Variants in GLB1L3 observed in about 807,000 individuals in gnomAD.
The protein encoded by GLB1L3 is beta-galactosidase-1-like protein 3.
Under a neutral mutation model 89.5 loss-of-function variants are expected in GLB1L3, and 89 were observed. That is an observed-to-expected ratio of 0.99 (90% CI 0.84 to 1.19). GLB1L3 has a LOEUF of 1.19. Ranked by LOEUF, GLB1L3 falls within the 50% of genes most tolerant of loss-of-function variation. The pLI, the probability that GLB1L3 is intolerant of heterozygous loss-of-function variation, is 0.00. For synonymous variants in GLB1L3, 314 were observed against 312.3 expected (o/e 1.01, Z -0.06); for missense variants, 812 against 813.3 (o/e 1.00, Z 0.02).
rs902650220 is a variant in GLB1L3 at position 134,276,508 on chromosome 11, G to A, written c.-233G>A. ...CCCGGACGCACTGCGGGAACACCTG[G>A]AGCGCCGGCGGAGCTCGGCTGTCCC... On this transcript the variant is annotated 5_prime_UTR_variant, in exon 1 of 20. Coordinates refer to ENST00000431683, the MANE Select transcript of GLB1L3 (RefSeq NM_001080407.3). The A allele has an allele frequency of 1.6e-5, 6 of 381,612 alleles. No individual in the cohort carries two copies. The highest frequency in any genetic ancestry group is 1.0e-4 in the African/African-American group (5 of 47,640). The allele number at this position is 381,612 out of a possible 1,614,324, so 23.6% of individuals were successfully genotyped here.
intron 13 of GLB1L3, 174 bp from the exon 14 acceptor site, chr11:134,312,175 T>G (rs2136222375): frequency 1.5e-6 from 1 of 650,856 alleles, no homozygotes; most frequent in Admixed American, 2.9e-5. Context: ...CTGAGTTTCC[T>G]TCCTGGGCAG....
intron 8 of GLB1L3, chr11:134,292,816 C>T: frequency 2.3e-6 from 1 of 443,860 alleles, no homozygotes. Context: ...TCCAAGGAAG[C>T]CTGGCACACT....
At chr11:134,299,109 G>T (rs1266237823) in intron 9 of GLB1L3, among the ~76,000 whole-genome samples, 3 of 151,968 alleles carry the variant, frequency 2.0e-5, no homozygotes, top group Non-Finnish European at 4.4e-5. Context: ...GCCTATTGAA[G>T]AAATTTTTCG....
chr11:134,294,634 T>C (rs1373677623), intron 9 of GLB1L3, among the ~76,000 whole-genome samples: 1 of 152,228 alleles, frequency 6.6e-6, no homozygotes, highest in African/African-American at 2.4e-5. Context: ...TTAATGCTTA[T>C]CACAGTTAAT....
At chr11:134,295,500 A>G (rs1941583244) in intron 9 of GLB1L3, among the ~76,000 whole-genome samples, 1 of 152,024 alleles carries the variant, frequency 6.6e-6, no homozygotes, top group Non-Finnish European at 1.5e-5. Flanking sequence ...AATTTTGTGT[A>G]TTTATTTTGG....
chr11:134,308,398 TCACCATCAC>T (rs1565413528), intron 10 of GLB1L3, among the ~76,000 whole-genome samples: 9 of 26,458 alleles, frequency 3.4e-4, no homozygotes, highest in African/African-American at 6.5e-4. Context: ...ATCACCACCA[TCACCATCAC>T]CACCACCACC....
chr11:134,301,186 C>T (rs905394782), intron 9 of GLB1L3, among the ~76,000 whole-genome samples: 2 of 152,174 alleles, frequency 1.3e-5, no homozygotes, highest in Non-Finnish European at 2.9e-5. Flanking sequence ...ATCAGGTTTT[C>T]CATGGATTTT....
At position 134,283,790 on chromosome 11, in the gene GLB1L3, T is replaced by C. The variant is rs202008670; in HGVS notation, c.581T>C (p.Ile194Thr). 4.2e-5 allele frequency: 67 copies of C among 1,613,182 alleles called. No homozygotes were observed. Among genetic ancestry groups the C allele is most frequent in the Admixed American group, 2.3e-4 (14 of 59,948 alleles). ...TTGAGGACAACCAACAAGAGCTTCA[T>C]TGAAGCAGTTGAGAAGTATTTTGAC... is the stretch of plus-strand genomic sequence containing the variant. ...LLLRTTNKSF[I>T]EAVEKYFDHL... The change falls in exon 6 of 20, where the codon ATT (isoleucine) becomes ACT (threonine). Residue 194 changes from isoleucine to threonine, a missense_variant. Around this residue, in one of 3 missense-constraint regions of GLB1L3, gnomAD observed 618 missense variants for 604.0 expected, o/e 1.02. Coordinates refer to ENST00000431683, the MANE Select transcript of GLB1L3 (RefSeq NM_001080407.3).
At chr11:134,305,297 G>T in intron 9 of GLB1L3, 1 of 660,126 alleles carries the variant, frequency 1.5e-6, no homozygotes, top group Middle Eastern at 3.3e-4. Flanking sequence ...ATAATAAATG[G>T]TTGGTATTGC....
chr11:134,323,194 T>C (rs1392900488), downstream of GLB1L3, among the ~76,000 whole-genome samples: 6 of 152,170 alleles, frequency 3.9e-5, no homozygotes, highest in Admixed American at 2.0e-4. Context: ...AATCCAAACA[T>C]GTAACAATGA....
At chr11:134,286,062 C>T (rs1940967630) in intron 6 of GLB1L3, among the ~76,000 whole-genome samples, 1 of 151,984 alleles carries the variant, frequency 6.6e-6, no homozygotes, top group African/African-American at 2.4e-5. Context: ...GCACCAACCA[C>T]CATGCCTGGC....
At position 134,310,628 on chromosome 11, in the gene GLB1L3, A is replaced by C. The variant is rs1942680615; in HGVS notation, c.1157A>C (p.Gln386Pro). ...TACACAGAAAAATATCTGAAGCTTC[A>C]AAAACTCTTTCAATCTGTCTCAGGT... Reference protein sequence around the residue: ...GDYTEKYLKLQKLFQSVSATP... With the variant: ...GDYTEKYLKLPKLFQSVSATP... Residue 386 changes from glutamine to proline, a missense_variant, in exon 12 of 20, where the codon CAA (glutamine) becomes CCA (proline). Transcript: ENST00000431683. 17 of 1,613,268 alleles carry C rather than the reference A, an allele frequency of 1.1e-5. No homozygotes were observed. The East Asian group carries it at 3.8e-4, about 36-fold the overall frequency.
At chr11:134,314,551 T>C (rs1942898044) in intron 18 of GLB1L3, 110 bp downstream of exon 18, 2 of 728,816 alleles carry the variant, frequency 2.7e-6, no homozygotes, top group Non-Finnish European at 2.4e-6. Context: ...CTTCTTTTCC[T>C]CTTCTTCCTC....
chr11:134,308,492 C>CCAT (rs1942488277), intron 10 of GLB1L3, among the ~76,000 whole-genome samples: 2 of 11,362 alleles, frequency 1.8e-4, no homozygotes, highest in Non-Finnish European at 4.8e-4. Context: ...ACCACCATCA[C>CCAT]CACCAAATAC....
intron 6 of GLB1L3, among the ~76,000 whole-genome samples, chr11:134,286,649 C>A (rs1000745882): frequency 1.3e-5 from 2 of 150,832 alleles, no homozygotes; most frequent in East Asian, 4.0e-4. Flanking sequence ...TGGTGGCGGG[C>A]GCCTGTAGTC....
At chr11:134,279,825 G>A (rs1254742984) in intron 3 of GLB1L3, among the ~76,000 whole-genome samples, 1 of 151,702 alleles carries the variant, frequency 6.6e-6, no homozygotes, top group Non-Finnish European at 1.5e-5. Context: ...TTGTAGCTTT[G>A]TTAGTACTCT....
rs531129236 is a variant in GLB1L3, at chr11:134,318,568, G to A, written c.1780-63G>A. ...TCAATCTTGCTCTCACTCTCCAAGT[G>A]CCTTAGGTTTTACCTTGCTAATGTG... is the stretch of plus-strand genomic sequence containing the variant. On this transcript the variant is annotated intron_variant, in intron 18 of 19. Coordinates refer to ENST00000431683, the MANE Select transcript of GLB1L3 (RefSeq NM_001080407.3). 5.4e-5 allele frequency: 51 copies of A among 952,104 alleles called. No homozygotes were observed. In the African/African-American group the frequency reaches 6.2e-4, roughly 12 times the overall value. The allele number at this position is 952,104 out of a possible 1,614,324, so 59.0% of individuals were successfully genotyped here.
intron 9 of GLB1L3, among the ~76,000 whole-genome samples, chr11:134,296,866 A>ATAATAATAAT (rs1565402709): frequency 8.6e-6 from 1 of 116,060 alleles, no homozygotes; most frequent in African/African-American, 3.1e-5. Flanking sequence ...TAATAATAAA[A>ATAATAATAAT]ACAAACAAAC....
At chr11:134,305,105 C>T (rs1022342861) in intron 9 of GLB1L3, 2 of 1,548,108 alleles carry the variant, frequency 1.3e-6, no homozygotes, top group Middle Eastern at 1.7e-4. Flanking sequence ...TTTGCTTTCT[C>T]TCCTCCCAGG....
Sources: gnomAD v4.1 joint callset for allele counts (sites outside exome capture counted in the v4.1 genomes callset) on GRCh38, gnomAD v4.1.1 for gene constraint, gnomAD v4.1.1 regional missense constraint, MANE v1.5 for transcripts, NCBI Gene and HGNC (gene_info 2026-07-23, HGNC 2026-07-21) for gene names.